Variants in FLNB observed in about 807,000 individuals in gnomAD.
FLNB encodes filamin B.
Under a neutral mutation model 250.6 loss-of-function variants are expected in FLNB, and 111 were observed. The ratio of observed to expected loss-of-function variants is 0.44; its 90% CI spans 0.38 to 0.52. The LOEUF is 0.52. Ranked by LOEUF, FLNB falls within the 20% of genes least tolerant of loss-of-function variation. The probability of loss-of-function intolerance (pLI) is 0.00; values close to 1 mark genes in which losing one functional copy is unlikely to be tolerated. For missense variants in FLNB, 2,869 were observed against 3,447.8 expected (o/e 0.83, Z 4.20); for synonymous variants, 1,302 against 1,372.1 (o/e 0.95, Z 1.13).
At chr3:58,124,293 G>C (rs752017323) in intron 21 of FLNB, 39 bp from the exon 22 acceptor site, 1 of 1,612,530 alleles carries the variant, frequency 6.2e-7, no homozygotes, top group East Asian at 2.2e-5. Flanking sequence ...TTGGGTCTGG[G>C]GTACTGGTGG....
intron 1 of FLNB, among the ~76,000 whole-genome samples, chr3:58,062,137 A>AT (rs773847880): frequency 3.3e-5 from 5 of 152,164 alleles, no homozygotes; most frequent in African/African-American, 4.8e-5. Context: ...TAACAACAAT[A>AT]AAATGAAAGC....
Position 58,123,703 on chromosome 3 carries a change from TAAAAA to T in FLNB, c.3724+32_3724+36del, listed in dbSNP as rs56147140. On this transcript the variant is annotated intron_variant, in intron 21 of 45. Coordinates refer to ENST00000295956, the MANE Select transcript of FLNB (RefSeq NM_001457.4). ...ATAGAAGGGAAAGGTGGGTTTCATT[TAAAAA>T]AAAAAAAAAAAAAAAAAAGACAAGC... The T allele has an allele frequency of 2.9e-4, 322 of 1,116,328 alleles. No homozygotes were observed. Among genetic ancestry groups the T allele is most frequent in the East Asian group, 5.5e-4 (20 of 36,226 alleles). 69.2% of individuals were successfully genotyped at this position (1,116,328 alleles called of 1,614,324 possible). A position where few individuals can be genotyped will look rare whatever the true frequency, so the allele number is the denominator to read the frequency against.
chr3:58,149,968 C>A lies in FLNB; in HGVS notation c.6210C>A (p.Ile2070=), dbSNP rs538937637. 6.2e-6 allele frequency: 10 copies of A among 1,614,134 alleles called. No individual in the cohort carries two copies. Among genetic ancestry groups the A allele is most frequent in the Non-Finnish European group, 8.5e-6 (10 of 1,180,054 alleles). ...TCCCTACCGTGCCTGGGGTTTATATCGTCTCCACCAAATTCGCTGACGAGC... is the reference window on the plus strand; with the variant it reads ...TCCCTACCGTGCCTGGGGTTTATATAGTCTCCACCAAATTCGCTGACGAGC... The part of the protein sequence containing the change: ...SYFPTVPGVY[I]VSTKFADEHV... The change falls in exon 37 of 46, where the codon ATC becomes ATA. Residue 2070 remains isoleucine, a synonymous_variant. Transcript: ENST00000295956.
intron 43 of FLNB, chr3:58,166,242 G>T (rs938455122): frequency 1.3e-5 from 2 of 152,192 alleles, no homozygotes; most frequent in African/African-American, 4.8e-5. Context: ...CGTCTTCCCT[G>T]CCCTTTTGGG....
At chr3:58,066,375 A>C (rs933541868) in intron 1 of FLNB, among the ~76,000 whole-genome samples, 3 of 151,808 alleles carry the variant, frequency 2.0e-5, no homozygotes, top group African/African-American at 7.3e-5. Context: ...GCCCGCCACC[A>C]TGCCTGACCA....
chr3:58,154,461 C>G (rs767258818), intron 39 of FLNB: 1 of 284,572 alleles, frequency 3.5e-6, no homozygotes, highest in Non-Finnish European at 6.8e-6. Flanking sequence ...AGGAGAATTG[C>G]TTGAACACAG....
rs531331650 is a variant in FLNB at position 58,104,935 on chromosome 3, A to G, written c.1611-145A>G. On this transcript the variant is annotated intron_variant, in intron 10 of 45. Transcript: ENST00000295956. Reference sequence around the variant, plus strand: ...CAGTAGCTATGGGTGAGAGGCCTGCAGGAGGAAGGGCTTGGCTGCAGTTTG... The same window carrying G: ...CAGTAGCTATGGGTGAGAGGCCTGCGGGAGGAAGGGCTTGGCTGCAGTTTG... 8.1e-6 allele frequency: 8 copies of G among 987,076 alleles called. No individual in the cohort carries two copies. In the African/African-American group the frequency reaches 1.1e-4, roughly 14 times the overall value. 61.1% of individuals were successfully genotyped at this position (987,076 alleles called of 1,614,324 possible). A position where few individuals can be genotyped will look rare whatever the true frequency, so the allele number is the denominator to read the frequency against.
Position 58,123,167 on chromosome 3 carries a change from A to C in FLNB, c.3201A>C (p.Gly1067=). The C allele has an allele frequency of 6.2e-7, 1 of 1,614,014 alleles. No homozygotes were observed. The highest frequency in any genetic ancestry group is 8.5e-7 in the Non-Finnish European group (1 of 1,179,954). Residue 1067 remains glycine, a synonymous_variant, in exon 21 of 46, where the codon GGA becomes GGC. Transcript: ENST00000295956. ...CCGAGTTCACCATCGATACCAAAGGAGCTGGTACTGGAGGTCTGGGCTTAA... is the reference window on the plus strand; with the variant it reads ...CCGAGTTCACCATCGATACCAAAGGCGCTGGTACTGGAGGTCTGGGCTTAA... ...KPAEFTIDTK[G]AGTGGLGLTV... is the part of the protein sequence containing the mutation.
chr3:58,099,210 A>G (rs975181340), intron 8 of FLNB, among the ~76,000 whole-genome samples: 1 of 152,018 alleles, frequency 6.6e-6, no homozygotes, highest in Admixed American at 6.6e-5. Context: ...CAGTGGGAGG[A>G]CTCGGTAGCA....
intron 1 of FLNB, among the ~76,000 whole-genome samples, chr3:58,051,636 C>G (rs1348157290): frequency 6.6e-6 from 1 of 151,792 alleles, no homozygotes; most frequent in Non-Finnish European, 1.5e-5. Context: ...AGCCCCACTC[C>G]CCAAGAGATG....
chr3:58,104,393 C>A (rs1015145364), intron 10 of FLNB, among the ~76,000 whole-genome samples: 4 of 152,108 alleles, frequency 2.6e-5, no homozygotes, highest in Non-Finnish European at 4.4e-5. Flanking sequence ...AACTGAGATT[C>A]TCTTTTTCAA....
chr3:58,069,426 C>T (rs528256755), intron 1 of FLNB, among the ~76,000 whole-genome samples: 23 of 151,754 alleles, frequency 1.5e-4, no homozygotes, highest in South Asian at 8.3e-4. Context: ...TTTTTAGTAG[C>T]GACAGGGTTT....
rs56009116 is a variant in FLNB at position 58,088,038 on chromosome 3, C to CTTT, written c.787+6282_787+6284dup. ...ACAGGTGTGAACCACGGCGCCCAGC[C>CTTT]TTTTTTTTTTTTTTTTTTTTTTGCT... is the stretch of plus-strand genomic sequence containing the variant. On this transcript the variant is annotated intron_variant, in intron 4 of 45. Transcript: ENST00000295956. 5.4e-4 allele frequency among the ~76,000 whole-genome samples: 46 copies of CTTT among 84,522 alleles called. 1 individual carries two copies. Among genetic ancestry groups the CTTT allele is most frequent in the Non-Finnish European group, 6.8e-4 (32 of 46,986 alleles). The allele number at this position is 84,522 out of a possible 152,430, so 55.4% of individuals were successfully genotyped here. A position where few individuals can be genotyped will look rare whatever the true frequency, so the allele number is the denominator to read the frequency against.
intron 18 of FLNB, among the ~76,000 whole-genome samples, chr3:58,114,552 G>A (rs74867793): frequency 6.6e-5 from 3 of 45,796 alleles, no homozygotes; most frequent in Non-Finnish European, 6.5e-5. Flanking sequence ...TTATAAACCC[G>A]AAATGGAATT....
chr3:58,037,142 G>A (rs1388349986), intron 1 of FLNB, among the ~76,000 whole-genome samples: 2 of 136,078 alleles, frequency 1.5e-5, no homozygotes, highest in South Asian at 2.4e-4. Context: ...TCAGCTCACT[G>A]CAACCTCCGT....
chr3:58,105,426 GAAA>G, intron 11 of FLNB, among the ~76,000 whole-genome samples: 1 of 152,344 alleles, frequency 6.6e-6, no homozygotes, highest in African/African-American at 2.4e-5. Context: ...CTTGAGGGCA[GAAA>G]CCTTATGTGG....
In FLNB at chr3:58,008,535, GTTGCGCA is replaced by G. The variant is rs1328290275; in HGVS notation, c.-23_-17del. 7 of 1,563,608 alleles carry G rather than the reference GTTGCGCA, an allele frequency of 4.5e-6. No homozygotes were observed. In the South Asian group the frequency reaches 8.1e-5, roughly 18 times the overall value. On this transcript the variant is annotated 5_prime_UTR_variant, in exon 1 of 46. Transcript: ENST00000295956. Reference sequence around the variant, plus strand: ...TCCAAACACCAGTCCCCGGCAGCTCGTTGCGCATTGCGCTCTCCCCGCCACCAGGATG... The same window carrying G: ...TCCAAACACCAGTCCCCGGCAGCTCGTTGCGCTCTCCCCGCCACCAGGATG...
In FLNB at chr3:58,153,503, A is replaced by T; in HGVS notation, c.6496A>T (p.Thr2166Ser). ...TGTGCCCCAGGAGATGGGCGTGCACACGGTCAGCGTCAAGTACCGTGGGCA... is the reference window on the plus strand; with the variant it reads ...TGTGCCCCAGGAGATGGGCGTGCACTCGGTCAGCGTCAAGTACCGTGGGCA... Reference protein sequence around the residue: ...RFVPQEMGVHTVSVKYRGQHV... With the variant: ...RFVPQEMGVHSVSVKYRGQHV... Residue 2166 changes from threonine to serine, a missense_variant, in exon 39 of 46, where the codon ACG becomes TCG. Thr to Ser is a moderately conservative substitution (Grantham distance 58). This residue lies in a region of FLNB where 1,084 missense variants were observed against 1,315.5 expected (regional missense o/e 0.82). Coordinates refer to ENST00000295956, the MANE Select transcript of FLNB (RefSeq NM_001457.4). The T allele has an allele frequency of 1.2e-6, 2 of 1,614,180 alleles. No individual in the cohort carries two copies. Among genetic ancestry groups the T allele is most frequent in the Non-Finnish European group, 1.7e-6 (2 of 1,180,044 alleles).
rs66869903 is a variant in FLNB, at chr3:58,168,863, C to G, written c.7417+205C>G. ...TGGAGCCGTGCAGAAGTTGAGAAAG[C>G]ATGTTAGGATGTTAGGTGGTTTTCT... is the stretch of plus-strand genomic sequence containing the variant. On this transcript the variant is annotated intron_variant, in intron 44 of 45. Transcript: ENST00000295956. 106,033 of 610,214 alleles carry G rather than the reference C, an allele frequency of 0.17. 9,980 individuals carry two copies. Among genetic ancestry groups the G allele is most frequent in the Middle Eastern group, 0.25 (567 of 2,298 alleles). The allele number at this position is 610,214 out of a possible 1,614,324, so 37.8% of individuals were successfully genotyped here.
Sources: gnomAD v4.1 joint callset for allele counts (sites outside exome capture counted in the v4.1 genomes callset) on GRCh38, gnomAD v4.1.1 for gene constraint, gnomAD v4.1.1 regional missense constraint, MANE v1.5 for transcripts, NCBI Gene and HGNC (gene_info 2026-07-23, HGNC 2026-07-21) for gene names.